The following PTPRG variants were observed in gnomAD, a reference collection of about 807,000 sequenced individuals.
PTPRG encodes the protein receptor-type tyrosine-protein phosphatase gamma.
In PTPRG, 102 loss-of-function variants were observed where a neutral mutation model predicts 165.3. The ratio of observed to expected loss-of-function variants is 0.62; its 90% CI spans 0.53 to 0.73. The LOEUF (loss-of-function observed/expected upper bound fraction) is 0.73. PTPRG is among the 30% of genes least tolerant of loss of function. The pLI is 0.00. For synonymous variants in PTPRG, 675 were observed against 669.5 expected (o/e 1.01, Z -0.13); for missense variants, 1,866 against 1,861.4 (o/e 1.00, Z -0.05).
intron 2 of PTPRG, among the ~76,000 whole-genome samples, chr3:61,904,435 C>G (rs899148346): frequency 6.6e-6 from 1 of 152,148 alleles, no homozygotes; most frequent in African/African-American, 2.4e-5. Flanking sequence ...CCTACAGGCC[C>G]AAGCAAATGT....
intron 1 of PTPRG, among the ~76,000 whole-genome samples, chr3:61,650,680 A>G (rs1460915642): frequency 6.6e-6 from 1 of 152,250 alleles, no homozygotes; most frequent in African/African-American, 2.4e-5. Flanking sequence ...AATCAAATAC[A>G]CACTTCCTCA....
At chr3:61,837,334 C>T (rs765510365) in intron 2 of PTPRG, among the ~76,000 whole-genome samples, 2 of 152,202 alleles carry the variant, frequency 1.3e-5, no homozygotes, top group Non-Finnish European at 2.9e-5. Flanking sequence ...CAGGTGTGAG[C>T]CACCGCACCC....
intron 1 of PTPRG, among the ~76,000 whole-genome samples, chr3:61,633,095 A>G (rs183296509): frequency 2.0e-5 from 3 of 152,278 alleles, no homozygotes; most frequent in Non-Finnish European, 2.9e-5. Flanking sequence ...TGATCTTTGT[A>G]TCTAAAGCAC....
intron 4 of PTPRG, among the ~76,000 whole-genome samples, chr3:62,008,059 G>T (rs1024114349): frequency 6.6e-6 from 1 of 152,158 alleles, no homozygotes; most frequent in East Asian, 1.9e-4. Context: ...GCTTTCTGTT[G>T]TCTGTCCAGC....
chr3:62,034,018 G>T (rs534971111), intron 4 of PTPRG, among the ~76,000 whole-genome samples: 1 of 152,048 alleles, frequency 6.6e-6, no homozygotes, highest in Non-Finnish European at 1.5e-5. Context: ...CTCCTGCCTC[G>T]GCCTTCCAAA....
intron 2 of PTPRG, among the ~76,000 whole-genome samples, chr3:61,866,759 C>A (rs1390266778): frequency 2.0e-5 from 3 of 151,842 alleles, no homozygotes; most frequent in Non-Finnish European, 4.4e-5. Context: ...CCACCACGCC[C>A]AGCTAATTTT....
At chr3:61,701,219 C>G (rs1301800762) in intron 1 of PTPRG, among the ~76,000 whole-genome samples, 1 of 152,150 alleles carries the variant, frequency 6.6e-6, no homozygotes, top group East Asian at 1.9e-4. Flanking sequence ...CTCTCTGATT[C>G]TTTGGGGACT....
Position 62,233,736 on chromosome 3 carries a change from G to A in PTPRG, c.2375+2425G>A, listed in dbSNP as rs1244547905. On this transcript the variant is annotated intron_variant, in intron 14 of 29. Coordinates refer to ENST00000474889, the MANE Select transcript of PTPRG (RefSeq NM_002841.4). The surrounding 1 kb of genome is among the most constrained non-coding windows in gnomAD (Gnocchi z 4.7). Reference sequence around the variant, plus strand: ...CCACAGCAGGAAGGAAGGAGACTGTGCCGCTAAGACGCGTTGCACAGAGAA... The same window carrying A: ...CCACAGCAGGAAGGAAGGAGACTGTACCGCTAAGACGCGTTGCACAGAGAA... Among the ~76,000 whole-genome samples the A allele has an allele frequency of 1.3e-5, 2 of 152,190 alleles. No individual in the cohort carries two copies. Among genetic ancestry groups the A allele is most frequent in the African/African-American group, 2.4e-5 (1 of 41,438 alleles).
At chr3:61,626,595 A>G (rs1219764054) in intron 1 of PTPRG, among the ~76,000 whole-genome samples, 8 of 152,184 alleles carry the variant, frequency 5.3e-5, no homozygotes, top group African/African-American at 9.7e-5. Context: ...TGTATCCACC[A>G]AATCGTGAAC....
intron 2 of PTPRG, among the ~76,000 whole-genome samples, chr3:61,847,060 C>G (rs974692062): frequency 1.3e-5 from 2 of 152,094 alleles, no homozygotes; most frequent in Non-Finnish European, 2.9e-5. Flanking sequence ...AGTTGTTTCC[C>G]CTTTCCCCCA....
intron 2 of PTPRG, among the ~76,000 whole-genome samples, chr3:61,868,904 GT>G (rs527368077): frequency 3.5e-4 from 50 of 143,746 alleles, no homozygotes; most frequent in East Asian, 2.6e-3. Context: ...TCAGAAGGGT[GT>G]TTTTTTTTTT....
At chr3:61,654,162 G>A (rs7428267) in intron 1 of PTPRG, among the ~76,000 whole-genome samples, 149,029 of 152,212 alleles carry the variant, frequency 0.98, 72,995 homozygotes, top group East Asian at 1. Context: ...AGCATTTACC[G>A]TGGAGTCTGG....
chr3:62,138,714 C>CAAAAAAAAAAA (rs563632840), intron 6 of PTPRG, among the ~76,000 whole-genome samples: 1 of 91,384 alleles, frequency 1.1e-5, no homozygotes, highest in Non-Finnish European at 2.0e-5. Context: ...GGCAAAGCTC[C>CAAAAAAAAAAA]AAAAAAAAAA....
intron 1 of PTPRG, among the ~76,000 whole-genome samples, chr3:61,640,190 A>T (rs1376964925): frequency 6.6e-6 from 1 of 152,134 alleles, no homozygotes; most frequent in East Asian, 1.9e-4. Flanking sequence ...TCCATGATTG[A>T]CAGCTTGGTT....
In PTPRG at chr3:61,841,159, C is replaced by T. The variant is rs193277742; in HGVS notation, c.190+92177C>T. 1.4e-4 allele frequency among the ~76,000 whole-genome samples: 21 copies of T among 152,210 alleles called. No homozygotes were observed. In the East Asian group the frequency reaches 2.9e-3, roughly 21 times the overall value. On this transcript the variant is annotated intron_variant, in intron 2 of 29. Coordinates refer to ENST00000474889, the MANE Select transcript of PTPRG (RefSeq NM_002841.4). ...ACTTTAACAATGAAAAAAGCATCAA[C>T]GTATATATTGGGACCGTTATAGAAG...
At chr3:61,605,191 T>A (rs373253073) in intron 1 of PTPRG, among the ~76,000 whole-genome samples, 1 of 152,236 alleles carries the variant, frequency 6.6e-6, no homozygotes, top group Admixed American at 6.5e-5. Flanking sequence ...ACCCTAACGA[T>A]GTGCTGAGGA....
At chr3:61,665,371 T>C (rs1394687213) in intron 1 of PTPRG, among the ~76,000 whole-genome samples, 2 of 152,118 alleles carry the variant, frequency 1.3e-5, no homozygotes, top group Non-Finnish European at 2.9e-5. Context: ...TATAGCGATA[T>C]GGCAATGTTT....
rs62244362 is a variant in PTPRG at position 61,612,965 on chromosome 3, A to G, written c.85+50593A>G. On this transcript the variant is annotated intron_variant, in intron 1 of 29. Coordinates refer to ENST00000474889, the MANE Select transcript of PTPRG (RefSeq NM_002841.4). The stretch of plus-strand genomic sequence containing the variant: ...ACAAAGGACAGGTCAGCTTGTCTCA[A>G]TCTCTCCCTCCATTCCTTGCTGTCT... 2.9e-3 allele frequency among the ~76,000 whole-genome samples: 443 copies of G among 151,960 alleles called. 1 individual carries two copies. The highest frequency in any genetic ancestry group is 6.8e-3 in the Middle Eastern group (2 of 294).
chr3:62,047,452 G>C (rs1382068179), intron 4 of PTPRG, among the ~76,000 whole-genome samples: 1 of 151,906 alleles, frequency 6.6e-6, no homozygotes, highest in East Asian at 1.9e-4. Context: ...AGTAGAGATG[G>C]GGTTTCGCCA....
Sources: gnomAD v4.1 joint callset for allele counts (sites outside exome capture counted in the v4.1 genomes callset) on GRCh38, gnomAD v4.1.1 for gene constraint, Gnocchi (gnomAD v3.1) non-coding constraint, MANE v1.5 for transcripts, NCBI Gene and HGNC (gene_info 2026-07-23, HGNC 2026-07-21) for gene names.